Variants in ZAN observed in about 807,000 individuals in gnomAD.
ZAN encodes zonadhesin.
ZAN carries 260 observed loss-of-function variants against 286.2 expected under a neutral mutation model. The ratio of observed to expected loss-of-function variants is 0.91; its 90% CI spans 0.82 to 1.01. ZAN has a LOEUF of 1.01. Ranked by LOEUF, ZAN falls within the 50% of genes least tolerant of loss-of-function variation. The pLI is 0.00. For missense variants in ZAN, 3,410 were observed against 3,639.2 expected (o/e 0.94, Z 1.62); for synonymous variants, 1,368 against 1,417.5 (o/e 0.97, Z 0.79).
intron 17 of ZAN, 76 bp from the exon 18 acceptor site, chr7:100,759,642 GCGC>G: frequency 3.6e-6 from 5 of 1,383,464 alleles, no homozygotes; most frequent in South Asian, 1.6e-5. Context: ...TCTCCCTGCG[GCGC>G]CAGGCTCAGG....
Position 100,784,815 on chromosome 7 carries a change from C to T in ZAN, c.6815C>T (p.Ala2272Val). ...AGAAGTCAGTGTGGCTGCAAGGATGCCCATGGTGGCTCCATCCCTGTGAGT... is the reference window on the plus strand; with the variant it reads ...AGAAGTCAGTGTGGCTGCAAGGATGTCCATGGTGGCTCCATCCCTGTGAGT... ...VPRSQCGCKD[A>V]HGGSIPLGKS... The change falls in exon 36 of 48, where the codon GCC (alanine) becomes GTC (valine). Residue 2272 changes from alanine (A) to valine (V), a missense_variant. Coordinates refer to ENST00000613979, the MANE Select transcript of ZAN (RefSeq NM_003386.3). 6.2e-7 allele frequency: 1 copy of T among 1,601,652 alleles called. No individual in the cohort carries two copies. The highest frequency in any genetic ancestry group is 1.7e-5 in the Admixed American group (1 of 59,234).
chr7:100,793,058 G>A (rs1812108253), intron 42 of ZAN, among the ~76,000 whole-genome samples: 1 of 150,568 alleles, frequency 6.6e-6, no homozygotes, highest in South Asian at 2.1e-4. Context: ...GACTAGACAG[G>A]CTGGACATGG....
At chr7:100,793,715 G>T in intron 42 of ZAN, 105 bp from the exon 43 acceptor site, 2 of 1,248,698 alleles carry the variant, frequency 1.6e-6, no homozygotes, top group Non-Finnish European at 2.2e-6. Context: ...TGGGATTTCA[G>T]GTGTGAGCCA....
chr7:100,755,275 G>T lies in ZAN; in HGVS notation c.3174G>T (p.Ser1058=). 2 of 1,613,806 alleles carry T rather than the reference G, an allele frequency of 1.2e-6. No homozygotes were observed. Among genetic ancestry groups the T allele is most frequent in the Non-Finnish European group, 1.7e-6 (2 of 1,179,846 alleles). ...ARYESCACPA[S]CKSPRPSCGP... ...ACGAATCCTGTGCTTGTCCTGCTTC[G>T]TGCAAGAGCCCCAGGCCTAGCTGTG... Residue 1058 remains serine, a synonymous_variant, in exon 15 of 48, where the codon TCG becomes TCT. Transcript: ENST00000613979.
chr7:100,740,347 G>C (rs1807652842), intron 7 of ZAN, among the ~76,000 whole-genome samples: 1 of 108,704 alleles, frequency 9.2e-6, no homozygotes, highest in Non-Finnish European at 1.9e-5. Context: ...GTTTCTCACA[G>C]AGGGGGATTT....
rs141523101 is a variant in ZAN, at chr7:100,734,744, A to T, written c.53+523A>T. ...GTTCTGGGAGCGGGACAGGGCTACA[A>T]TGTGAGAAGGGACGGAGGAGGTGCA... On this transcript the variant is annotated intron_variant, in intron 2 of 47. Coordinates refer to ENST00000613979, the MANE Select transcript of ZAN (RefSeq NM_003386.3). 3.5e-5 allele frequency among the ~76,000 whole-genome samples: 5 copies of T among 141,338 alleles called. 1 individual carries two copies. Among genetic ancestry groups the T allele is most frequent in the Admixed American group, 3.5e-4 (5 of 14,186 alleles). 92.7% of individuals were successfully genotyped at this position (141,338 alleles called of 152,430 possible). A position where few individuals can be genotyped will look rare whatever the true frequency, so the allele number is the denominator to read the frequency against.
chr7:100,756,428 CA>C (rs111465837), intron 15 of ZAN, among the ~76,000 whole-genome samples: 60,192 of 141,648 alleles, frequency 0.42, 12,949 homozygotes, highest in African/African-American at 0.6. Context: ...CACCCTGTCT[CA>C]AAAAAAAAAA....
rs1225686368 is a variant in ZAN at position 100,763,871 on chromosome 7, G to A, written c.4052G>A (p.Gly1351Glu). ...TCATCTCTGCAGAGCAGCATGTCGGGGCCAGGGTTCTGTGGACGGCTGGTC... is the reference window on the plus strand; with the variant it reads ...TCATCTCTGCAGAGCAGCATGTCGGAGCCAGGGTTCTGTGGACGGCTGGTC... ...CDSSLQSSMS[G>E]PGFCGRLVDT... Residue 1351 changes from glycine (G) to glutamate (E), a missense_variant, in exon 21 of 48, where the codon GGG becomes GAG. Physicochemically the swap from Gly to Glu is moderately conservative, Grantham distance 98 (BLOSUM62 -2). This residue lies in a region of ZAN where 1,042 missense variants were observed against 1,058.0 expected (regional missense o/e 0.98). Transcript: ENST00000613979. The surrounding 1 kb of genome is among the most constrained non-coding windows in gnomAD (Gnocchi z 4.6). 6.2e-7 allele frequency: 1 copy of A among 1,613,920 alleles called. No individual in the cohort carries two copies. Among genetic ancestry groups the A allele is most frequent in the Non-Finnish European group, 8.5e-7 (1 of 1,179,912 alleles).
intron 5 of ZAN, 26 bp from the exon 6 acceptor site, chr7:100,737,236 G>A: frequency 6.9e-7 from 1 of 1,451,252 alleles, no homozygotes; most frequent in Non-Finnish European, 9.4e-7. Flanking sequence ...GGCTCATGGG[G>A]TTGGGGTCCC....
Position 100,780,945 on chromosome 7 carries a change from AC to A in ZAN, c.6622+1196del, listed in dbSNP as rs543143621. Among the ~76,000 whole-genome samples the A allele has an allele frequency of 4.2e-3, 642 of 152,248 alleles. 3 individuals carry two copies. The highest frequency in any genetic ancestry group is 0.014 in the African/African-American group (602 of 41,548). On this transcript the variant is annotated intron_variant, in intron 35 of 47. Coordinates refer to ENST00000613979, the MANE Select transcript of ZAN (RefSeq NM_003386.3). ...GCATCGCTACAAAAAAATTAAAAAA[AC>A]AAAAGACAAGAAAACTATATGCTCT...
At chr7:100,779,334 T>C in intron 34 of ZAN, 112 bp from the exon 35 acceptor site, 1 of 1,072,016 alleles carries the variant, frequency 9.3e-7, no homozygotes, top group Non-Finnish European at 1.3e-6. Flanking sequence ...GCTGAGACTG[T>C]TGCATTGCAC....
chr7:100,793,715 G>A, intron 42 of ZAN, 105 bp from the exon 43 acceptor site: 1 of 1,248,698 alleles, frequency 8.0e-7, no homozygotes, highest in Non-Finnish European at 1.1e-6. Context: ...TGGGATTTCA[G>A]GTGTGAGCCA....
rs540349088 is a variant in ZAN, at chr7:100,745,372, G to A, written c.767-1166G>A. Reference sequence around the variant, plus strand: ...AGGCAAGACTCCCTTGGACTCGGGCGTGAGCACGCACGCGAGCGCGCTCCC... The same window carrying A: ...AGGCAAGACTCCCTTGGACTCGGGCATGAGCACGCACGCGAGCGCGCTCCC... On this transcript the variant is annotated intron_variant, in intron 7 of 47. Transcript: ENST00000613979. Among the ~76,000 whole-genome samples the A allele has an allele frequency of 8.6e-4, 131 of 151,832 alleles. 2 individuals are homozygous for A. The highest frequency in any genetic ancestry group is 3.4e-3 in the Middle Eastern group (1 of 294).
Position 100,738,020 on chromosome 7 carries a change from G to A in ZAN, c.614-441G>A, listed in dbSNP as rs568280757. 1.0e-4 allele frequency among the ~76,000 whole-genome samples: 14 copies of A among 139,982 alleles called. 1 individual carries two copies. In the South Asian group the frequency reaches 2.7e-3, roughly 27 times the overall value. 91.8% of individuals were successfully genotyped at this position (139,982 alleles called of 152,430 possible). ...CACCCAGGCTGGAGTGTAGTGGCAC[G>A]ATCTCGGCTCACTGCAACTTCTGCC... On this transcript the variant is annotated intron_variant, in intron 6 of 47. Transcript: ENST00000613979.
Position 100,755,227 on chromosome 7 carries a change from G to C in ZAN, c.3126G>C (p.Glu1042Asp), listed in dbSNP as rs372449283. 6 of 1,611,520 alleles carry C rather than the reference G, an allele frequency of 3.7e-6. No individual in the cohort carries two copies. The highest frequency in any genetic ancestry group is 4.2e-6 in the Non-Finnish European group (5 of 1,178,408). The change falls in exon 15 of 48, where the codon GAG becomes GAC. Residue 1042 changes from glutamate (E) to aspartate (D), a missense_variant and splice_region_variant. Around this residue, in one of 7 missense-constraint regions of ZAN, gnomAD observed 1,042 missense variants for 1,058.0 expected, o/e 0.98. Coordinates refer to ENST00000613979, the MANE Select transcript of ZAN (RefSeq NM_003386.3). ...TGACAGAGGCTGTTTTCCCCTTAGA[G>C]CGCTGCCCTCCAAATGCCCGCTACG... ...GTTTTSRSST[E>D]RCPPNARYES... is the part of the protein sequence containing the mutation.
intron 33 of ZAN, 106 bp from the exon 34 acceptor site, chr7:100,776,318 AAGGGAGGGAGGGAGGG>A (rs3991185): frequency 7.0e-5 from 89 of 1,270,592 alleles, no homozygotes; most frequent in Non-Finnish European, 8.6e-5. Flanking sequence ...AACTTGAAGG[AAGGGAGGGAGGGAGGG>A]AGGGAGGGAG....
In ZAN at chr7:100,751,162, C is replaced by G. The variant is rs955907582; in HGVS notation, c.1522-20C>G. On this transcript the variant is annotated intron_variant, in intron 12 of 47. Coordinates refer to ENST00000613979, the MANE Select transcript of ZAN (RefSeq NM_003386.3). ...TTCATTTTTGTTTCTCTCTCCGTCT[C>G]TCTCCCTTGTCGCCTTTAGCTTATT... The G allele has an allele frequency of 5.1e-6, 8 of 1,578,808 alleles. No homozygotes were observed. The African/African-American group carries it at 9.6e-5, about 19-fold the overall frequency.
At chr7:100,749,319 G>A (rs1193898080) in intron 11 of ZAN, among the ~76,000 whole-genome samples, 5 of 151,874 alleles carry the variant, frequency 3.3e-5, no homozygotes, top group Non-Finnish European at 7.4e-5. Flanking sequence ...TCCATCCGGG[G>A]CAACAGAGTA....
intron 7 of ZAN, among the ~76,000 whole-genome samples, chr7:100,744,615 A>T (rs1808053442): frequency 6.6e-6 from 1 of 150,898 alleles, no homozygotes; most frequent in African/African-American, 2.4e-5. Flanking sequence ...ATAAATAAAT[A>T]AATACGTACA....
Sources: allele counts gnomAD v4.1 joint callset (sites outside exome capture counted in the v4.1 genomes callset), GRCh38; gene constraint gnomAD v4.1.1; regional missense constraint gnomAD v4.1.1; non-coding constraint Gnocchi (gnomAD v3.1); transcripts MANE v1.5; gene names NCBI Gene and HGNC (gene_info 2026-07-23, HGNC 2026-07-21).